The following AHR variants were observed in gnomAD, a reference collection of about 807,000 sequenced individuals.
AHR encodes the protein AH-receptor.
Under a neutral mutation model 86.8 loss-of-function variants are expected in AHR, and 40 were observed. That is an observed-to-expected ratio of 0.46 (90% CI 0.36 to 0.60). The LOEUF (loss-of-function observed/expected upper bound fraction) is 0.60. Ranked by LOEUF, AHR falls within the 20% of genes least tolerant of loss-of-function variation. AHR has a pLI of 0.00. For missense variants in AHR, 1,001 were observed against 1,011.6 expected (o/e 0.99, Z 0.14); for synonymous variants, 398 against 354.9 (o/e 1.12, Z -1.37).
At chr7:17,316,615 A>C (rs1444129594) in intron 2 of AHR, among the ~76,000 whole-genome samples, 1 of 152,170 alleles carries the variant, frequency 6.6e-6, no homozygotes, top group Admixed American at 6.6e-5. Flanking sequence ...CACACACACA[A>C]AAGACGGAGA....
At position 17,327,789 on chromosome 7, in the gene AHR, A is replaced by G; in HGVS notation, c.391A>G (p.Thr131Ala). 1 of 1,579,680 alleles carries G rather than the reference A, an allele frequency of 6.3e-7. No individual in the cohort carries two copies. Among genetic ancestry groups the G allele is most frequent in the Non-Finnish European group, 8.6e-7 (1 of 1,158,118 alleles). The change falls in exon 4 of 11, where the codon ACA (threonine) becomes GCA (alanine). Residue 131 changes from threonine (T) to alanine (A), a missense_variant. This residue lies in a region of AHR where 394 missense variants were observed against 468.5 expected (regional missense o/e 0.84). Coordinates refer to ENST00000242057, the MANE Select transcript of AHR (RefSeq NM_001621.5). ...GAATGGCTTTGTATTAGTTGTCACT[A>G]CAGATGCTTTGGTCTTTTATGCTTC... ...ALNGFVLVVT[T>A]DALVFYASST... is the part of the protein sequence containing the mutation.
Position 17,334,749 on chromosome 7 carries a change from C to G in AHR, c.909-138C>G, listed in dbSNP as rs527328319. 1.1e-3 allele frequency: 685 copies of G among 600,490 alleles called. No individual in the cohort carries two copies. Among genetic ancestry groups the G allele is most frequent in the Non-Finnish European group, 1.7e-3 (609 of 349,622 alleles). 37.2% of individuals were successfully genotyped at this position (600,490 alleles called of 1,614,324 possible). ...GTTTACATGGATGTGTTTAATTTCA[C>G]ATCTACTTATGTGAAATTCTAAATG... On this transcript the variant is annotated intron_variant, in intron 7 of 10. Transcript: ENST00000242057.
At chr7:17,333,594 G>T (rs1414254859) in intron 6 of AHR, among the ~76,000 whole-genome samples, 1 of 151,940 alleles carries the variant, frequency 6.6e-6, no homozygotes, top group East Asian at 1.9e-4. Context: ...TGATTGCCTG[G>T]TGTGCAAGGA....
In AHR at chr7:17,299,040, GC is replaced by G. The variant is rs973306397; in HGVS notation, c.-223del. On this transcript the variant is annotated 5_prime_UTR_variant, in exon 1 of 11. Coordinates refer to ENST00000242057, the MANE Select transcript of AHR (RefSeq NM_001621.5). Reference sequence around the variant, plus strand: ...TCCGCCCCTCGCCCACCCTCACTGCGCCAGGCCCAGGCAGCTCACCTGTACT... The same window carrying G: ...TCCGCCCCTCGCCCACCCTCACTGCGCAGGCCCAGGCAGCTCACCTGTACT... The G allele has an allele frequency of 1.2e-5, 6 of 487,480 alleles. No individual in the cohort carries two copies. In the Admixed American group the frequency reaches 2.6e-4, roughly 21 times the overall value. The allele number at this position is 487,480 out of a possible 1,614,324, so 30.2% of individuals were successfully genotyped here.
At chr7:17,328,946 A>G (rs1252317802) in intron 4 of AHR, among the ~76,000 whole-genome samples, 2 of 151,960 alleles carry the variant, frequency 1.3e-5, no homozygotes, top group Admixed American at 6.6e-5. Flanking sequence ...TTCTAAAGAA[A>G]ATACATTAAT....
chr7:17,322,031 G>A (rs1408812075), intron 2 of AHR, among the ~76,000 whole-genome samples: 1 of 151,874 alleles, frequency 6.6e-6, no homozygotes, highest in African/African-American at 2.4e-5. Flanking sequence ...TCAATAAGGT[G>A]TATAGTTGCT....
chr7:17,303,779 A>C (rs1205807256), intron 1 of AHR, among the ~76,000 whole-genome samples: 1 of 152,082 alleles, frequency 6.6e-6, no homozygotes, highest in Non-Finnish European at 1.5e-5. Flanking sequence ...ATTTTGGGAT[A>C]GAAAAGTATG....
chr7:17,337,585 C>T (rs183774353), intron 9 of AHR, among the ~76,000 whole-genome samples: 2,575 of 150,966 alleles, frequency 0.017, 36 homozygotes, highest in Non-Finnish European at 0.022. Context: ...CGCCATTCTC[C>T]TGCCTCAGCC....
intron 1 of AHR, among the ~76,000 whole-genome samples, chr7:17,308,701 ACACAC>A (rs1447282735): frequency 8.6e-6 from 1 of 116,106 alleles, no homozygotes; most frequent in African/African-American, 3.3e-5. Context: ...ACATACATAA[ACACAC>A]ACACACACAC....
At chr7:17,323,790 A>G (rs1209758661) in intron 3 of AHR, among the ~76,000 whole-genome samples, 1 of 152,224 alleles carries the variant, frequency 6.6e-6, no homozygotes, top group Non-Finnish European at 1.5e-5. Context: ...TTAAAGCATG[A>G]GTCCTCCCCT....
At chr7:17,307,433 G>A (rs1263843599) in intron 1 of AHR, among the ~76,000 whole-genome samples, 1 of 152,162 alleles carries the variant, frequency 6.6e-6, no homozygotes, top group Non-Finnish European at 1.5e-5. Context: ...AGGACTTCAT[G>A]AAAGTGATCT....
At chr7:17,305,676 A>T (rs1781998429) in intron 1 of AHR, among the ~76,000 whole-genome samples, 1 of 152,182 alleles carries the variant, frequency 6.6e-6, no homozygotes, top group African/African-American at 2.4e-5. Context: ...ATCTCTTGTT[A>T]AAAAACGTCA....
At chr7:17,331,010 C>A in intron 6 of AHR, 124 bp downstream of exon 6, 1 of 894,764 alleles carries the variant, frequency 1.1e-6, no homozygotes, top group Non-Finnish European at 1.6e-6. Flanking sequence ...CCCTCAGAAC[C>A]AGAGAGCTTC....
In AHR at chr7:17,298,831, G is replaced by A. The variant is rs942837309; in HGVS notation, c.-434G>A. On this transcript the variant is annotated 5_prime_UTR_variant, in exon 1 of 11. Coordinates refer to ENST00000242057, the MANE Select transcript of AHR (RefSeq NM_001621.5). ...AGGAAGTCCCGGGAGCAGCGCGGCG[G>A]CACCTCCCTCACCCAAGGGGCCGCG... is the stretch of plus-strand genomic sequence containing the variant. 5.0e-6 allele frequency: 2 copies of A among 398,168 alleles called. No homozygotes were observed. The highest frequency in any genetic ancestry group is 8.9e-6 in the Non-Finnish European group (2 of 225,908). The allele number at this position is 398,168 out of a possible 1,614,324, so 24.7% of individuals were successfully genotyped here. A position where few individuals can be genotyped will look rare whatever the true frequency, so the allele number is the denominator to read the frequency against.
Position 17,298,699 on chromosome 7 carries a change from G to A in AHR, c.-566G>A, listed in dbSNP as rs1387117263. 1 of 396,250 alleles carries A rather than the reference G, an allele frequency of 2.5e-6. No individual in the cohort carries two copies. Among genetic ancestry groups the A allele is most frequent in the Non-Finnish European group, 4.4e-6 (1 of 224,800 alleles). The allele number at this position is 396,250 out of a possible 1,614,324, so 24.5% of individuals were successfully genotyped here. On this transcript the variant is annotated 5_prime_UTR_variant, in exon 1 of 11. Coordinates refer to ENST00000242057, the MANE Select transcript of AHR (RefSeq NM_001621.5). The stretch of plus-strand genomic sequence containing the variant: ...CGCTCTGTTCCGAGAGCGTGCCCCG[G>A]ACCGCCAGCTCAGAACAGGGGCAGC...
Position 17,340,087 on chromosome 7 carries a change from A to G in AHR, c.2262A>G (p.Pro754=). 6.2e-7 allele frequency: 1 copy of G among 1,614,196 alleles called. No individual in the cohort carries two copies. ...LPENQKHGLN[P]QSAIITPQTC... is the part of the protein sequence containing the mutation. Reference sequence around the variant, plus strand: ...AAAACCAAAAGCATGGATTAAATCCACAGTCAGCCATAATAACTCCTCAGA... The same window carrying G: ...AAAACCAAAAGCATGGATTAAATCCGCAGTCAGCCATAATAACTCCTCAGA... Residue 754 remains proline (P), a synonymous_variant, in exon 10 of 11, where the codon CCA becomes CCG. Transcript: ENST00000242057.
In AHR at chr7:17,339,373, G is replaced by A; in HGVS notation, c.1548G>A (p.Gln516=). 1 of 1,614,182 alleles carries A rather than the reference G, an allele frequency of 6.2e-7. No individual in the cohort carries two copies. Among genetic ancestry groups the A allele is most frequent in the Non-Finnish European group, 8.5e-7 (1 of 1,180,034 alleles). The part of the protein sequence containing the change: ...DTILKHEQID[Q]PQDVNSFAGG... ...TCCTGAAACATGAGCAAATTGACCA[G>A]CCTCAGGATGTGAACTCATTTGCTG... The change falls in exon 10 of 11, where the codon CAG becomes CAA. Residue 516 remains glutamine (Q), a synonymous_variant. Transcript: ENST00000242057.
chr7:17,305,601 G>A (rs1200042385), intron 1 of AHR, among the ~76,000 whole-genome samples: 1 of 152,130 alleles, frequency 6.6e-6, no homozygotes, highest in Non-Finnish European at 1.5e-5. Flanking sequence ...GACCAACGCA[G>A]TAAGAGTAGA....
intron 3 of AHR, among the ~76,000 whole-genome samples, chr7:17,325,004 CAG>C (rs1251813054): frequency 3.3e-5 from 5 of 152,040 alleles, no homozygotes; most frequent in African/African-American, 4.8e-5. Flanking sequence ...TTTTCAGTGA[CAG>C]GAGTTGAAAT....
Sources: gnomAD v4.1 joint callset for allele counts (sites outside exome capture counted in the v4.1 genomes callset) on GRCh38, gnomAD v4.1.1 for gene constraint, gnomAD v4.1.1 regional missense constraint, MANE v1.5 for transcripts, NCBI Gene and HGNC (gene_info 2026-07-23, HGNC 2026-07-21) for gene names.